SEMA3A: variants seen among roughly 807,000 people sequenced by gnomAD.
SEMA3A encodes semaphorin-3A.
In SEMA3A, 29 loss-of-function variants were observed where a neutral mutation model predicts 97.9. The observed-to-expected ratio is 0.30, with a 90% CI of 0.22 to 0.40. The LOEUF is 0.40. Ranked by LOEUF, SEMA3A falls within the 10% of genes least tolerant of loss-of-function variation. The pLI is 1.00. For synonymous variants in SEMA3A, 321 were observed against 323.7 expected, an observed-to-expected ratio of 0.99 and a Z score of 0.09; for missense variants, 763 against 951.3, an observed-to-expected ratio of 0.80 and a Z score of 2.60.
At chr7:84,274,241 AAGGTCTC>A (rs72084507) in intron 3 of SEMA3A, among the ~76,000 whole-genome samples, 6,909 of 152,116 alleles carry the variant, frequency 0.045, 260 homozygotes, top group Admixed American at 0.13. Flanking sequence ...AGGGGCCTCT[AAGGTCTC>A]ACAGGCCACT....
At chr7:84,279,670 C>T (rs1312108401) in intron 3 of SEMA3A, among the ~76,000 whole-genome samples, 3 of 151,984 alleles carry the variant, frequency 2.0e-5, no homozygotes, top group Non-Finnish European at 1.5e-5. Context: ...TGAATGCTTT[C>T]CAAATAAAAT....
At chr7:84,490,415 G>A (rs1007134000) in intron 1 of SEMA3A, among the ~76,000 whole-genome samples, 2 of 151,940 alleles carry the variant, frequency 1.3e-5, no homozygotes, top group African/African-American at 2.4e-5. Flanking sequence ...AGCATAATAA[G>A]CCTAGGTTAA....
chr7:84,246,929 T>C (rs1185325409), intron 3 of SEMA3A, among the ~76,000 whole-genome samples: 1 of 152,138 alleles, frequency 6.6e-6, no homozygotes, highest in Non-Finnish European at 1.5e-5. Context: ...AATATATTTA[T>C]AATTATTACA....
At chr7:83,998,569 A>G (rs542418276) in intron 12 of SEMA3A, among the ~76,000 whole-genome samples, 1 of 152,126 alleles carries the variant, frequency 6.6e-6, no homozygotes, top group Non-Finnish European at 1.5e-5. Flanking sequence ...CTTAGGCTAC[A>G]CTAATTTTTT....
chr7:84,074,780 T>G (rs112726779), intron 4 of SEMA3A, among the ~76,000 whole-genome samples: 2,755 of 152,068 alleles, frequency 0.018, 84 homozygotes, highest in African/African-American at 0.063. Context: ...TCACTAATTA[T>G]TGTTATTATG....
intron 6 of SEMA3A, among the ~76,000 whole-genome samples, chr7:84,016,829 C>T (rs979638661): frequency 1.3e-5 from 2 of 152,070 alleles, no homozygotes; most frequent in Non-Finnish European, 2.9e-5. Flanking sequence ...AAAAGGAAGC[C>T]TCCATCACAT....
intron 1 of SEMA3A, among the ~76,000 whole-genome samples, chr7:84,413,747 C>G (rs1398341018): frequency 6.6e-6 from 1 of 152,032 alleles, no homozygotes; most frequent in African/African-American, 2.4e-5. Flanking sequence ...GCAGTCTAGA[C>G]TTTATTCTAT....
At chr7:84,070,382 CTTATAAA>C (rs1412088497) in intron 4 of SEMA3A, among the ~76,000 whole-genome samples, 1 of 152,026 alleles carries the variant, frequency 6.6e-6, no homozygotes, top group East Asian at 1.9e-4. Flanking sequence ...AATCCAAAGT[CTTATAAA>C]TTATAAACCA....
intron 6 of SEMA3A, among the ~76,000 whole-genome samples, chr7:84,039,651 G>T (rs1792064601): frequency 6.6e-6 from 1 of 152,086 alleles, no homozygotes; most frequent in Non-Finnish European, 1.5e-5. Context: ...TAAATTGAGA[G>T]ACATAAATGA....
intron 2 of SEMA3A, among the ~76,000 whole-genome samples, 187 bp from the exon 3 acceptor site, chr7:84,129,372 T>C (rs1009984268): frequency 3.9e-5 from 6 of 152,204 alleles, no homozygotes; most frequent in Non-Finnish European, 7.4e-5. Flanking sequence ...AGTCATTGAT[T>C]CTCCATCTAC....
At chr7:84,195,533 C>G (rs1157056057), upstream of SEMA3A, 1 of 151,968 alleles carries the variant, frequency 6.6e-6, no homozygotes, top group African/African-American at 2.4e-5. Flanking sequence ...CAACAAACCC[C>G]CTGGGCTCAA....
chr7:84,384,096 A>T (rs1224538248), intron 1 of SEMA3A, among the ~76,000 whole-genome samples: 1 of 152,180 alleles, frequency 6.6e-6, no homozygotes, highest in Non-Finnish European at 1.5e-5. Flanking sequence ...GACACATGAA[A>T]GTTAATGAGT....
At chr7:84,184,432 A>G (rs1037267803) in intron 1 of SEMA3A, among the ~76,000 whole-genome samples, 2 of 152,178 alleles carry the variant, frequency 1.3e-5, no homozygotes, top group Admixed American at 6.5e-5. Context: ...CTAGCTTGAG[A>G]TTGATCTGCT....
rs143762418 is a variant in SEMA3A, at chr7:84,219,067, T to A, written c.-82-24399A>T. 3.3e-5 allele frequency among the ~76,000 whole-genome samples: 5 copies of A among 152,246 alleles called. No homozygotes were observed. The East Asian group carries it at 9.7e-4, about 29-fold the overall frequency. ...CTGACTCTACATAATCCTTTCCCTCTGACTTCTAGTAACAGCTCCACATCA... is the reference window on the plus strand; with the variant it reads ...CTGACTCTACATAATCCTTTCCCTCAGACTTCTAGTAACAGCTCCACATCA... On this transcript the variant is annotated intron_variant, in intron 3 of 3. Coordinates refer to the SEMA3A transcript ENST00000424555.
chr7:84,117,917 C>T (rs1287328646), intron 3 of SEMA3A, among the ~76,000 whole-genome samples: 2 of 152,160 alleles, frequency 1.3e-5, no homozygotes, highest in East Asian at 3.9e-4. Flanking sequence ...AACATGATGA[C>T]TAGCGCTTAT....
chr7:84,036,422 T>C (rs1002153086), intron 6 of SEMA3A, among the ~76,000 whole-genome samples: 20 of 152,232 alleles, frequency 1.3e-4, no homozygotes, highest in African/African-American at 3.6e-4. Flanking sequence ...AGAGTACATA[T>C]TGGTAGCTAC....
chr7:84,305,158 C>T (rs567576050), intron 3 of SEMA3A, among the ~76,000 whole-genome samples: 79 of 150,688 alleles, frequency 5.2e-4, no homozygotes, highest in Non-Finnish European at 6.4e-4. Context: ...ATACTGTCTA[C>T]GCTTTTAAAT....
At chr7:84,065,805 G>A (rs1289871743) in intron 4 of SEMA3A, among the ~76,000 whole-genome samples, 1 of 151,930 alleles carries the variant, frequency 6.6e-6, no homozygotes, top group East Asian at 1.9e-4. Context: ...AAGAGTCCAG[G>A]ACCAGATGGA....
At chr7:84,376,754 G>A (rs1803113931) in intron 1 of SEMA3A, among the ~76,000 whole-genome samples, 1 of 151,538 alleles carries the variant, frequency 6.6e-6, no homozygotes, top group African/African-American at 2.4e-5. Context: ...GATTAGCAAT[G>A]TTAAGCATTT....
Sources: gnomAD v4.1 joint callset for allele counts (sites outside exome capture counted in the v4.1 genomes callset) on GRCh38, gnomAD v4.1.1 for gene constraint, MANE v1.5 for transcripts, NCBI Gene and HGNC (gene_info 2026-07-23, HGNC 2026-07-21) for gene names.